Variants in NCOA7 observed in about 807,000 individuals in gnomAD.
NCOA7 encodes 140 kDa estrogen receptor-associated protein.
NCOA7 carries 45 observed loss-of-function variants against 104.3 expected under a neutral mutation model. That is an observed-to-expected ratio of 0.43 (90% confidence interval 0.34 to 0.55). The LOEUF is 0.55. Among genes scored for constraint, NCOA7 ranks in the 20% least tolerant of loss-of-function variants. The probability of loss-of-function intolerance (pLI) is 0.02; values close to 1 mark genes in which losing one functional copy is unlikely to be tolerated. For synonymous variants in NCOA7, 398 were observed against 402.3 expected (o/e 0.99, Z 0.13); for missense variants, 1,041 against 1,119.7 (o/e 0.93, Z 1.00).
At chr6:125,803,185 C>T (rs147675769) in intron 1 of NCOA7, among the ~76,000 whole-genome samples, 169 of 152,290 alleles carry the variant, frequency 1.1e-3, no homozygotes, top group Middle Eastern at 6.8e-3. Flanking sequence ...TTGTGGTTTT[C>T]AGGGATGTCC....
chr6:125,846,072 A>G (rs1780579989), intron 2 of NCOA7, among the ~76,000 whole-genome samples: 1 of 152,158 alleles, frequency 6.6e-6, no homozygotes, highest in South Asian at 2.1e-4. Context: ...TGGCTGGTCA[A>G]TTTTGATATT....
intron 1 of NCOA7, among the ~76,000 whole-genome samples, chr6:125,795,305 A>G (rs757248075): frequency 6.6e-6 from 1 of 152,234 alleles, no homozygotes; most frequent in Non-Finnish European, 1.5e-5. Context: ...ACATAGAGGC[A>G]TCTCATTCTG....
chr6:125,838,469 A>C (rs1341866260), intron 2 of NCOA7, among the ~76,000 whole-genome samples: 2 of 152,160 alleles, frequency 1.3e-5, no homozygotes, highest in African/African-American at 4.8e-5. Flanking sequence ...ACCTGGCTGG[A>C]TTGATGCAAA....
At chr6:125,789,566 A>T (rs937817745), upstream of NCOA7, among the ~76,000 whole-genome samples, 4 of 152,224 alleles carry the variant, frequency 2.6e-5, no homozygotes, top group African/African-American at 9.6e-5. Context: ...AATGCTAAAC[A>T]ATTTACAAAT....
Position 125,881,042 on chromosome 6 carries a change from G to A in NCOA7, c.460-48G>A, listed in dbSNP as rs1225367231. On this transcript the variant is annotated intron_variant, in intron 5 of 15. Transcript: ENST00000392477. ...TAACTTCTCCAAACACTCACTAGTG[G>A]TTTGCCTGGTTGCTGGTACTCACCC... 2.6e-6 allele frequency: 3 copies of A among 1,169,052 alleles called. No individual in the cohort carries two copies. The Admixed American group carries it at 5.1e-5, about 20-fold the overall frequency. The allele number at this position is 1,169,052 out of a possible 1,614,324, so 72.4% of individuals were successfully genotyped here.
chr6:125,909,211 C>T (rs988368882), intron 10 of NCOA7, among the ~76,000 whole-genome samples: 39 of 152,206 alleles, frequency 2.6e-4, no homozygotes, highest in African/African-American at 8.9e-4. Flanking sequence ...ATAGAAAGAA[C>T]GCTGATTGCC....
Position 125,881,077 on chromosome 6 carries a change from C to G in NCOA7, c.460-13C>G. On this transcript the variant is annotated splice_polypyrimidine_tract_variant and intron_variant, in intron 5 of 15. Coordinates refer to ENST00000392477, the MANE Select transcript of NCOA7 (RefSeq NM_181782.5). The stretch of plus-strand genomic sequence containing the variant: ...TTGCTGGTACTCACCCATCTGTTCT[C>G]TCCCATTCTCAGGTCCTTTTTGTGC... 6.3e-7 allele frequency: 1 copy of G among 1,578,324 alleles called. No homozygotes were observed. The highest frequency in any genetic ancestry group is 8.7e-7 in the Non-Finnish European group (1 of 1,147,604).
intron 4 of NCOA7, among the ~76,000 whole-genome samples, chr6:125,877,760 C>T (rs1369339368): frequency 6.6e-6 from 1 of 152,182 alleles, no homozygotes; most frequent in African/African-American, 2.4e-5. Flanking sequence ...AGTATTCATT[C>T]ATCAACTTTT....
At chr6:125,877,649 A>T (rs2128643252) in intron 4 of NCOA7, among the ~76,000 whole-genome samples, 1 of 152,336 alleles carries the variant, frequency 6.6e-6, no homozygotes, top group African/African-American at 2.4e-5. Context: ...TTACAGATTT[A>T]GAGAATAACA....
At chr6:125,816,144 C>T (rs182013303) in intron 2 of NCOA7, among the ~76,000 whole-genome samples, 1 of 152,164 alleles carries the variant, frequency 6.6e-6, no homozygotes, top group Non-Finnish European at 1.5e-5. Context: ...ATCCCCAGTC[C>T]CCAGGCTGTG....
intron 2 of NCOA7, among the ~76,000 whole-genome samples, chr6:125,830,505 A>G (rs984103364): frequency 2.6e-5 from 4 of 152,190 alleles, no homozygotes; most frequent in African/African-American, 7.2e-5. Flanking sequence ...CCTGGGCAAC[A>G]TAGTGAGACC....
At position 125,912,753 on chromosome 6, in the gene NCOA7, A is replaced by G. The variant is rs527968353; in HGVS notation, c.2097-2580A>G. 3.9e-5 allele frequency among the ~76,000 whole-genome samples: 6 copies of G among 152,336 alleles called. No individual in the cohort carries two copies. In the South Asian group the frequency reaches 1.0e-3, roughly 26 times the overall value. ...AAGTCTAGACACATTCCAAAGGACT[A>G]TGCAAGCCCTGCCTCAGTTTCCCTC... On this transcript the variant is annotated intron_variant, in intron 10 of 15. Coordinates refer to ENST00000392477, the MANE Select transcript of NCOA7 (RefSeq NM_181782.5).
At chr6:125,875,156 C>T in intron 4 of NCOA7, 188 bp downstream of exon 4, 1 of 496,404 alleles carries the variant, frequency 2.0e-6, no homozygotes, top group Admixed American at 3.4e-5. Context: ...CTCAAATAAA[C>T]CAGTGAATTG....
At chr6:125,832,589 A>C (rs924674680) in intron 2 of NCOA7, among the ~76,000 whole-genome samples, 1 of 152,236 alleles carries the variant, frequency 6.6e-6, no homozygotes. Context: ...TAAGGCCACA[A>C]ATGATTGGTT....
intron 1 of NCOA7, among the ~76,000 whole-genome samples, chr6:125,812,874 A>G (rs1320409357): frequency 6.6e-6 from 1 of 152,100 alleles, no homozygotes; most frequent in African/African-American, 2.4e-5. Context: ...TTTCCTTGTT[A>G]TCTACACTGC....
intron 2 of NCOA7, among the ~76,000 whole-genome samples, chr6:125,830,115 G>A (rs1198086614): frequency 6.6e-6 from 1 of 152,186 alleles, no homozygotes; most frequent in Non-Finnish European, 1.5e-5. Flanking sequence ...TTGTTAGAGG[G>A]AAGTTGTTTT....
At chr6:125,921,140 T>C in intron 12 of NCOA7, 72 bp downstream of exon 12, 2 of 1,557,010 alleles carry the variant, frequency 1.3e-6, no homozygotes, top group South Asian at 1.1e-5. Flanking sequence ...CCAGGTACAG[T>C]GGCTCATGCC....
chr6:125,811,409 A>T (rs1776992997), intron 1 of NCOA7, among the ~76,000 whole-genome samples: 1 of 152,214 alleles, frequency 6.6e-6, no homozygotes, highest in South Asian at 2.1e-4. Context: ...GGTTGGGGCG[A>T]GGAGACTAAT....
chr6:125,827,794 A>G (rs1195634641), intron 2 of NCOA7, among the ~76,000 whole-genome samples: 1 of 152,236 alleles, frequency 6.6e-6, no homozygotes, highest in Admixed American at 6.5e-5. Context: ...ATGTTCCTTG[A>G]ACACAGTGCT....
Sources: gnomAD v4.1 joint callset for allele counts (sites outside exome capture counted in the v4.1 genomes callset) on GRCh38, gnomAD v4.1.1 for gene constraint, MANE v1.5 for transcripts, NCBI Gene and HGNC (gene_info 2026-07-23, HGNC 2026-07-21) for gene names.